The following NLRP4 variants were observed in gnomAD, a reference collection of about 807,000 sequenced individuals.
NLRP4 encodes NACHT, LRR and PYD domains-containing protein 4.
A neutral mutation model predicts 84.7 loss-of-function variants in NLRP4; 44 were observed. That is an observed-to-expected ratio of 0.52 (90% CI 0.41 to 0.67). The LOEUF (loss-of-function observed/expected upper bound fraction) is 0.67, where lower values mean the gene tolerates loss of function less well. NLRP4 is among the 30% of genes least tolerant of loss of function. The pLI is 0.00. For synonymous variants in NLRP4, 544 were observed against 476.4 expected, an observed-to-expected ratio of 1.14 and a Z score of -1.85; for missense variants, 1,260 against 1,219.4, an observed-to-expected ratio of 1.03 and a Z score of -0.50.
intron 1 of NLRP4, among the ~76,000 whole-genome samples, chr19:55,843,409 C>G (rs1983684567): frequency 6.6e-6 from 1 of 151,960 alleles, no homozygotes; most frequent in African/African-American, 2.4e-5. Context: ...AACATCCAGG[C>G]CAGGCACAGT....
chr19:55,846,413 T>C (rs967739741), intron 1 of NLRP4, among the ~76,000 whole-genome samples: 3 of 152,164 alleles, frequency 2.0e-5, no homozygotes, highest in African/African-American at 4.8e-5. Context: ...ATCTTGACAC[T>C]GTCTCCACAT....
Position 55,858,209 on chromosome 19 carries a change from G to C in NLRP4, c.816G>C (p.Glu272Asp). Residue 272 changes from glutamate to aspartate, a missense_variant, in exon 3 of 10, where the codon GAG becomes GAC. Transcript: ENST00000301295. The surrounding 1 kb of genome is among the most constrained non-coding windows in gnomAD (Gnocchi z 4.2). ...TGCTGAGGAAGAAGATGCTCCCGGAGGCCTCCCTGCTCATCGCTATCAAAC... is the reference window on the plus strand; with the variant it reads ...TGCTGAGGAAGAAGATGCTCCCGGACGCCTCCCTGCTCATCGCTATCAAAC... ...SSLLRKKMLP[E>D]ASLLIAIKPV... The C allele has an allele frequency of 1.9e-6, 3 of 1,614,168 alleles. No homozygotes were observed. Among genetic ancestry groups the C allele is most frequent in the Non-Finnish European group, 2.5e-6 (3 of 1,180,018 alleles).
chr19:55,850,607 T>TTCCGTGGCTGCGGTG (rs1568659129), intron 1 of NLRP4, among the ~76,000 whole-genome samples: 15 of 73,738 alleles, frequency 2.0e-4, no homozygotes, highest in Non-Finnish European at 2.9e-4. Context: ...GCGGTGTAAT[T>TTCCGTGGCTGCGGTG]TACGAGGCTG....
chr19:55,858,205 C>A lies in NLRP4; in HGVS notation c.812C>A (p.Pro271Gln). ...LSSLLRKKMLPEASLLIAIKP... is the reference protein window; with the variant it reads ...LSSLLRKKMLQEASLLIAIKP... ...AGTTTGCTGAGGAAGAAGATGCTCC[C>A]GGAGGCCTCCCTGCTCATCGCTATC... The change falls in exon 3 of 10, where the codon CCG (proline) becomes CAG (glutamine). Residue 271 changes from proline (P) to glutamine (Q), a missense_variant. By Grantham distance (76) the Pro-to-Gln change is moderately conservative (BLOSUM62 -1). Coordinates refer to ENST00000301295, the MANE Select transcript of NLRP4 (RefSeq NM_134444.5). This position sits in a 1 kb window ranked among gnomAD's most constrained non-coding sequence, Gnocchi z 4.2. The A allele has an allele frequency of 6.2e-7, 1 of 1,614,114 alleles. No homozygotes were observed. The highest frequency in any genetic ancestry group is 8.5e-7 in the Non-Finnish European group (1 of 1,180,008).
intron 5 of NLRP4, among the ~76,000 whole-genome samples, chr19:55,862,653 G>T: frequency 1.1e-5 from 1 of 87,660 alleles, no homozygotes; most frequent in Non-Finnish European, 2.3e-5. Flanking sequence ...TGAGACCACT[G>T]ATTGGGTTTC....
rs752005046 is a variant in NLRP4 at position 55,858,101 on chromosome 19, G to A, written c.708G>A (p.Leu236=). The A allele has an allele frequency of 4.3e-6, 7 of 1,614,054 alleles. No individual in the cohort carries two copies. The highest frequency in any genetic ancestry group is 5.1e-6 in the Non-Finnish European group (6 of 1,180,034). Residue 236 remains leucine, a synonymous_variant, in exon 3 of 10, where the codon CTG becomes CTA. Transcript: ENST00000301295. This position sits in a 1 kb window ranked among gnomAD's most constrained non-coding sequence, Gnocchi z 4.2. ...LLFVIDSFEE[L]QGGLNEPDSD... ...TCGTCATCGACAGCTTCGAAGAGCTGCAGGGCGGCTTGAACGAACCCGATT... is the reference window on the plus strand; with the variant it reads ...TCGTCATCGACAGCTTCGAAGAGCTACAGGGCGGCTTGAACGAACCCGATT...
intron 8 of NLRP4, among the ~76,000 whole-genome samples, chr19:55,878,130 C>T (rs1037768601): frequency 1.3e-5 from 2 of 152,110 alleles, no homozygotes; most frequent in Non-Finnish European, 2.9e-5. Context: ...ATTAGCCAGG[C>T]GTGGTGCATG....
chr19:55,876,913 G>A (rs1304759863), intron 7 of NLRP4, 83 bp from the exon 8 acceptor site: 4 of 1,125,802 alleles, frequency 3.6e-6, no homozygotes, highest in African/African-American at 3.1e-5. Flanking sequence ...AATGACAAAG[G>A]CTGTCGTGCT....
At chr19:55,838,324 G>A (rs766228952) in intron 1 of NLRP4, among the ~76,000 whole-genome samples, 18 of 143,020 alleles carry the variant, frequency 1.3e-4, no homozygotes, top group African/African-American at 4.6e-4. Context: ...CCACATGAAG[G>A]TAGAGACAAG....
rs1175276573 is a variant in NLRP4, at chr19:55,850,846, TTTAC to T, written c.-65-1169_-65-1166del. 3.4e-5 allele frequency among the ~76,000 whole-genome samples: 3 copies of T among 87,688 alleles called. 1 individual carries two copies. In the African/African-American group the frequency reaches 3.6e-4, roughly 11 times the overall value. The allele number at this position is 87,688 out of a possible 152,430, so 57.5% of individuals were successfully genotyped here. A position where few individuals can be genotyped will look rare whatever the true frequency, so the allele number is the denominator to read the frequency against. On this transcript the variant is annotated intron_variant, in intron 1 of 9. Coordinates refer to ENST00000301295, the MANE Select transcript of NLRP4 (RefSeq NM_134444.5). The stretch of plus-strand genomic sequence containing the variant: ...TGTAATGTCCGAGGCTGCGGTGTAA[TTTAC>T]GAGGCTGCGGTGTAATTTACGAGGC...
Position 55,858,966 on chromosome 19 carries a change from C to T in NLRP4, c.1573C>T (p.Gln525Ter), listed in dbSNP as rs768995642. 1 of 1,614,108 alleles carries T rather than the reference C, an allele frequency of 6.2e-7. No homozygotes were observed. The highest frequency in any genetic ancestry group is 8.5e-7 in the Non-Finnish European group (1 of 1,180,032). ...TGCGTTTTTTGGCTTCCAACTGTCC[C>T]AAGAGATAAAGCAGCAAATTCACCA... The part of the protein sequence containing the change: ...LDAFFGFQLS[Q>*]EIKQQIHQCL... The change falls in exon 3 of 10, where the codon CAA becomes TAA. Residue 525 changes from glutamine (Q) to a stop codon, truncating the protein, a stop_gained. Coordinates refer to ENST00000301295, the MANE Select transcript of NLRP4 (RefSeq NM_134444.5). LOFTEE classifies it high-confidence loss of function. This position sits in a 1 kb window ranked among gnomAD's most constrained non-coding sequence, Gnocchi z 4.2.
chr19:55,871,962 C>G (rs531523904), intron 7 of NLRP4, among the ~76,000 whole-genome samples: 3 of 151,816 alleles, frequency 2.0e-5, no homozygotes, highest in African/African-American at 7.2e-5. Flanking sequence ...CCATTCTCGT[C>G]TCAGCCTCCC....
intron 1 of NLRP4, among the ~76,000 whole-genome samples, chr19:55,848,464 C>T (rs974486457): frequency 2.6e-5 from 4 of 152,082 alleles, no homozygotes; most frequent in Non-Finnish European, 5.9e-5. Context: ...AGTGCAGTGG[C>T]ACGATCTCGG....
intron 8 of NLRP4, among the ~76,000 whole-genome samples, chr19:55,878,203 G>C (rs1396388667): frequency 4.6e-5 from 7 of 151,984 alleles, no homozygotes; most frequent in Non-Finnish European, 7.4e-5. Context: ...GGAGGTCAAG[G>C]CTGCAATGAG....
chr19:55,878,837 G>A lies in NLRP4; in HGVS notation c.2740G>A (p.Ala914Thr), dbSNP rs143710343. 8 of 1,613,552 alleles carry A rather than the reference G, an allele frequency of 5.0e-6. No individual in the cohort carries two copies. Among genetic ancestry groups the A allele is most frequent in the African/African-American group, 2.7e-5 (2 of 74,890 alleles). The change falls in exon 9 of 10, where the codon GCG (alanine) becomes ACG (threonine). Residue 914 changes from alanine to threonine, a missense_variant. This residue lies in a region of NLRP4 where 544 missense variants were observed against 531.7 expected (regional missense o/e 1.02). Transcript: ENST00000301295. ...GLTSTCCKDLASVLTCSKTLQ... is the reference protein window; with the variant it reads ...GLTSTCCKDLTSVLTCSKTLQ... ...AACGAGCACCTGCTGTAAGGATCTC[G>A]CGTCTGTTCTCACCTGCAGTAAGAC...
intron 1 of NLRP4, among the ~76,000 whole-genome samples, chr19:55,849,841 G>GTAATTTCCGTAGCTGCGGTA (rs1983953302): frequency 1.3e-5 from 2 of 149,216 alleles, no homozygotes. Flanking sequence ...AAGCTGCGGT[G>GTAATTTCCGTAGCTGCGGTA]TAATTTCCGA....
chr19:55,857,272 G>A (rs1021265035), intron 2 of NLRP4, among the ~76,000 whole-genome samples: 2 of 151,918 alleles, frequency 1.3e-5, no homozygotes, highest in Non-Finnish European at 2.9e-5. Flanking sequence ...GTATATGTGT[G>A]TGTGTGTGTC....
chr19:55,840,091 C>G (rs371740639), intron 1 of NLRP4, among the ~76,000 whole-genome samples: 5 of 152,146 alleles, frequency 3.3e-5, no homozygotes, highest in African/African-American at 1.2e-4. Context: ...CCCTGAGGAT[C>G]AGTATATAGC....
intron 1 of NLRP4, among the ~76,000 whole-genome samples, chr19:55,840,405 AC>A (rs11327105): frequency 0.15 from 23,066 of 150,684 alleles, 1,968 homozygotes; most frequent in East Asian, 0.22. Context: ...TCTTTTTGAG[AC>A]AGAGTCTTGC....
Sources: gnomAD v4.1 joint callset for allele counts (sites outside exome capture counted in the v4.1 genomes callset) on GRCh38, gnomAD v4.1.1 for gene constraint, gnomAD v4.1.1 regional missense constraint, Gnocchi (gnomAD v3.1) non-coding constraint, MANE v1.5 for transcripts, NCBI Gene and HGNC (gene_info 2026-07-23, HGNC 2026-07-21) for gene names.